The following DISC1 variants were observed in gnomAD, a reference collection of about 807,000 sequenced individuals.
The protein encoded by DISC1 is disrupted in schizophrenia 1 protein.
Under a neutral mutation model 84.5 loss-of-function variants are expected in DISC1, and 57 were observed. The ratio of observed to expected loss-of-function variants is 0.67; its 90% confidence interval spans 0.55 to 0.84. DISC1 has a LOEUF of 0.84. DISC1 is among the 40% of genes least tolerant of loss of function. The pLI is 0.00. For missense variants in DISC1, 1,000 were observed against 1,057.8 expected, an observed-to-expected ratio of 0.95 and a Z score of 0.76; for synonymous variants, 411 against 415.2, an observed-to-expected ratio of 0.99 and a Z score of 0.12.
intron 9 of DISC1, among the ~76,000 whole-genome samples, chr1:231,844,849 C>A (rs2083334566): frequency 6.6e-6 from 1 of 150,514 alleles, no homozygotes; most frequent in African/African-American, 2.5e-5. Context: ...ATGGCATGAA[C>A]CTGGGAGGCG....
intron 3 of DISC1, among the ~76,000 whole-genome samples, chr1:231,739,518 T>C (rs1472442281): frequency 6.6e-6 from 1 of 152,220 alleles, no homozygotes; most frequent in East Asian, 1.9e-4. Context: ...GTGGACCACC[T>C]GTGTGCTCCT....
At chr1:231,730,285 T>C (rs953685739) in intron 3 of DISC1, among the ~76,000 whole-genome samples, 21 of 152,236 alleles carry the variant, frequency 1.4e-4, no homozygotes, top group African/African-American at 5.1e-4. Flanking sequence ...GTGCCAATAG[T>C]GTTTCTAATG....
intron 9 of DISC1, among the ~76,000 whole-genome samples, chr1:231,848,065 G>C (rs1023882350): frequency 2.0e-5 from 3 of 152,166 alleles, no homozygotes; most frequent in African/African-American, 4.8e-5. Flanking sequence ...TCCCTTCCCT[G>C]GGCAAAGAGA....
chr1:231,672,605 A>G (rs1425666737), intron 1 of DISC1, among the ~76,000 whole-genome samples: 1 of 152,144 alleles, frequency 6.6e-6, no homozygotes, highest in African/African-American at 2.4e-5. Context: ...AGTGGAGCTC[A>G]TTCTGGCCTT....
At position 231,795,252 on chromosome 1, in the gene DISC1, A is replaced by G; in HGVS notation, c.1645A>G (p.Arg549Gly). The change falls in exon 7 of 13, where the codon AGA becomes GGA. Residue 549 changes from arginine to glycine, a missense_variant. This residue lies in a region of DISC1 where 397 missense variants were observed against 377.5 expected (regional missense o/e 1.05). Transcript: ENST00000439617. The part of the protein sequence containing the change: ...PPETIRSLQE[R>G]IKSLNLSLKE... ...TTTTAATTCTTCCAGCCTCCAGGAAAGAATAAAATCCCTCAACTTGTCACT... is the reference window on the plus strand; with the variant it reads ...TTTTAATTCTTCCAGCCTCCAGGAAGGAATAAAATCCCTCAACTTGTCACT... The G allele has an allele frequency of 1.2e-6, 2 of 1,613,762 alleles. No individual in the cohort carries two copies. The highest frequency in any genetic ancestry group is 1.7e-6 in the Non-Finnish European group (2 of 1,179,688).
rs373198886 is a variant in DISC1, at chr1:231,718,075, C to T, written c.1117+16051C>T. On this transcript the variant is annotated intron_variant, in intron 3 of 12. Transcript: ENST00000439617. ...TTCAGCTCTCCCGGGACATGAGCCA[C>T]TACACCTTTTCGATTTTATCTCTTA... Among the ~76,000 whole-genome samples the T allele has an allele frequency of 1.0e-3, 155 of 152,274 alleles. 1 individual carries two copies. The highest frequency in any genetic ancestry group is 3.7e-3 in the African/African-American group (154 of 41,548).
At chr1:231,810,820 T>C (rs1046824248) in intron 8 of DISC1, among the ~76,000 whole-genome samples, 1 of 152,144 alleles carries the variant, frequency 6.6e-6, no homozygotes, top group Non-Finnish European at 1.5e-5. Flanking sequence ...GTCCTGAACA[T>C]TTTGAGTCAA....
At chr1:231,969,597 TC>T (rs1553410751) in intron 10 of DISC1, among the ~76,000 whole-genome samples, 3,215 of 70,062 alleles carry the variant, frequency 0.046, 113 homozygotes, top group African/African-American at 0.13. Context: ...TTTCTTTCTT[TC>T]TTTTTTTTTT....
At chr1:231,822,143 G>C (rs934277675) in intron 9 of DISC1, among the ~76,000 whole-genome samples, 1 of 152,158 alleles carries the variant, frequency 6.6e-6, no homozygotes, top group Non-Finnish European at 1.5e-5. Flanking sequence ...AAAGGAAACC[G>C]ACGTCAAGGG....
At chr1:231,822,373 G>C (rs1376947301) in intron 9 of DISC1, among the ~76,000 whole-genome samples, 1 of 152,156 alleles carries the variant, frequency 6.6e-6, no homozygotes, top group Admixed American at 6.5e-5. Flanking sequence ...ATACCAAGCA[G>C]CAAGATTTTG....
At chr1:231,879,718 C>T (rs1229720038) in intron 9 of DISC1, among the ~76,000 whole-genome samples, 2 of 151,868 alleles carry the variant, frequency 1.3e-5, no homozygotes, top group Admixed American at 1.3e-4. Flanking sequence ...CAAGAATGAC[C>T]CTGTTCAAGA....
intron 10 of DISC1, among the ~76,000 whole-genome samples, chr1:231,968,682 C>A (rs964166786): frequency 6.6e-6 from 1 of 151,984 alleles, no homozygotes; most frequent in Non-Finnish European, 1.5e-5. Context: ...TAATGAAGAC[C>A]CCTGAGGTTG....
intron 6 of DISC1, among the ~76,000 whole-genome samples, chr1:231,775,600 C>T (rs1280685891): frequency 2.0e-5 from 3 of 152,184 alleles, no homozygotes; most frequent in Non-Finnish European, 2.9e-5. Flanking sequence ...GGTTTTCTTC[C>T]AGTGAACAAA....
rs1436100646 is a variant in DISC1 at position 231,861,630 on chromosome 1, CT to C, written c.1981+43116del. Among the ~76,000 whole-genome samples the C allele has an allele frequency of 3.3e-5, 5 of 151,974 alleles. No individual in the cohort carries two copies. In the East Asian group the frequency reaches 9.7e-4, roughly 29 times the overall value. On this transcript the variant is annotated intron_variant, in intron 9 of 12. Transcript: ENST00000439617. ...TTGAGTAAATTTAGCTTTTAACTTG[CT>C]TTATGTTTTGGTAGATCTTAGTGAT...
At chr1:231,789,295 G>A (rs4325116) in intron 6 of DISC1, among the ~76,000 whole-genome samples, 91,115 of 151,986 alleles carry the variant, frequency 0.6, 27,608 homozygotes, top group South Asian at 0.68. Context: ...GATTTGAGGA[G>A]CTGTCAGGAG....
chr1:231,694,079 T>A lies in DISC1; in HGVS notation c.321T>A (p.Thr107=). ...SPVSKSAAAP[T]VTSVRGTSAH... is the part of the protein sequence containing the mutation. ...TTTCCAAGAGTGCAGCAGCCCCTAC[T>A]GTGACCTCTGTGAGAGGAACCTCGG... Residue 107 remains threonine (T), a synonymous_variant, in exon 2 of 13, where the codon ACT becomes ACA. Coordinates refer to ENST00000439617, the MANE Select transcript of DISC1 (RefSeq NM_018662.3). 1 of 1,614,198 alleles carries A rather than the reference T, an allele frequency of 6.2e-7. No homozygotes were observed. The highest frequency in any genetic ancestry group is 1.1e-5 in the South Asian group (1 of 91,082).
At chr1:231,719,480 C>T (rs2069295290) in intron 3 of DISC1, among the ~76,000 whole-genome samples, 2 of 152,204 alleles carry the variant, frequency 1.3e-5, no homozygotes, top group Admixed American at 1.3e-4. Flanking sequence ...AAAAACCTGA[C>T]TGCAAAGTTC....
chr1:231,819,623 G>A (rs531638207), intron 9 of DISC1, among the ~76,000 whole-genome samples: 1 of 152,166 alleles, frequency 6.6e-6, no homozygotes, highest in Non-Finnish European at 1.5e-5. Context: ...TGTAACTAGA[G>A]ACAGTACGTT....
intron 8 of DISC1, among the ~76,000 whole-genome samples, chr1:231,802,545 T>A (rs967921464): frequency 6.6e-6 from 1 of 152,206 alleles, no homozygotes; most frequent in Non-Finnish European, 1.5e-5. Context: ...CTGACTTTGA[T>A]CTATGGCCTG....
Sources: allele counts gnomAD v4.1 joint callset (sites outside exome capture counted in the v4.1 genomes callset), GRCh38; gene constraint gnomAD v4.1.1; regional missense constraint gnomAD v4.1.1; transcripts MANE v1.5; gene names NCBI Gene and HGNC (gene_info 2026-07-23, HGNC 2026-07-21).